Variants in KIAA0930 observed in about 807,000 individuals in gnomAD.
KIAA0930 encodes KIAA0930.
KIAA0930 carries 24 observed loss-of-function variants against 43.9 expected under a neutral mutation model. That is an observed-to-expected ratio of 0.55 (90% CI 0.40 to 0.77). The LOEUF is 0.77. Among genes scored for constraint, KIAA0930 ranks in the 30% least tolerant of loss-of-function variants. KIAA0930 has a pLI of 0.00. For synonymous variants in KIAA0930, 259 were observed against 216.4 expected (o/e 1.20, Z -1.73); for missense variants, 461 against 574.2 (o/e 0.80, Z 2.02).
At chr22:45,213,548 C>G in intron 1 of KIAA0930, 1 of 1,153,382 alleles carries the variant, frequency 8.7e-7, no homozygotes, top group Non-Finnish European at 1.1e-6. Flanking sequence ...CGCGTTTTTG[C>G]AACAGGCAAA....
At chr22:45,205,196 G>C (rs370119267) in intron 5 of KIAA0930, 21 bp downstream of exon 5, 2 of 1,582,276 alleles carry the variant, frequency 1.3e-6, no homozygotes, top group African/African-American at 1.3e-5. Context: ...GCTAAGGAGA[G>C]AGGCCCTGTG....
intron 2 of KIAA0930, chr22:45,211,500 A>G (rs898903417): frequency 1.2e-5 from 5 of 405,052 alleles, no homozygotes. Context: ...TAAGAAGAAG[A>G]GAGCTCAGCA....
At chr22:45,235,266 A>G (rs1269490836) in intron 1 of KIAA0930, 1 of 152,220 alleles carries the variant, frequency 6.6e-6, no homozygotes, top group East Asian at 1.9e-4. Context: ...AGTGGTGCCT[A>G]TGCGGCCGCT....
At chr22:45,198,909 G>A (rs1031984721) in intron 8 of KIAA0930, among the ~76,000 whole-genome samples, 7 of 152,100 alleles carry the variant, frequency 4.6e-5, no homozygotes, top group Non-Finnish European at 7.4e-5. Flanking sequence ...CCTCGGTCTC[G>A]CTAAGTGCTG....
chr22:45,226,185 G>A (rs1417037362), intron 1 of KIAA0930: 5 of 456,560 alleles, frequency 1.1e-5, no homozygotes, highest in Non-Finnish European at 2.3e-5. Context: ...TTTATTCATG[G>A]GCCTGTCTTA....
intron 1 of KIAA0930, chr22:45,213,472 C>T (rs1404452544): frequency 4.1e-6 from 5 of 1,216,414 alleles, no homozygotes; most frequent in South Asian, 1.4e-5. Context: ...CAAGACCTCC[C>T]AGGCTCACAG....
At chr22:45,234,220 G>C (rs2083872157) in intron 1 of KIAA0930, among the ~76,000 whole-genome samples, 1 of 152,204 alleles carries the variant, frequency 6.6e-6, no homozygotes, top group Admixed American at 6.5e-5. Flanking sequence ...CAGTGTGCGT[G>C]TGGGTGCCGT....
chr22:45,235,660 T>A (rs184933778), intron 1 of KIAA0930, among the ~76,000 whole-genome samples: 4 of 152,172 alleles, frequency 2.6e-5, no homozygotes, highest in African/African-American at 4.8e-5. Flanking sequence ...GTATCCTGGA[T>A]AATAACAGCA....
At chr22:45,211,393 T>G (rs531742122) in intron 2 of KIAA0930, 7 of 399,090 alleles carry the variant, frequency 1.8e-5, no homozygotes, top group Non-Finnish European at 3.1e-5. Context: ...TGAAATACGT[T>G]AGGCGAATCA....
At chr22:45,234,315 G>C (rs539502702) in intron 1 of KIAA0930, among the ~76,000 whole-genome samples, 2 of 148,814 alleles carry the variant, frequency 1.3e-5, no homozygotes, top group South Asian at 4.5e-4. Context: ...TCTGCTTCCT[G>C]CTCGGGGAAG....
intron 7 of KIAA0930, chr22:45,200,307 C>T (rs2083576425): frequency 2.5e-6 from 1 of 401,742 alleles, no homozygotes. Flanking sequence ...AGACCCCCCT[C>T]CTCTGGGCCT....
Position 45,212,106 on chromosome 22 carries a change from C to A in KIAA0930, c.66G>T (p.Gly22=), listed in dbSNP as rs148671982. 16 of 1,613,674 alleles carry A rather than the reference C, an allele frequency of 9.9e-6. No homozygotes were observed. Among genetic ancestry groups the A allele is most frequent in the Non-Finnish European group, 1.3e-5 (15 of 1,179,954 alleles). Residue 22 remains glycine (G), a splice_region_variant and synonymous_variant, in exon 2 of 10, where the codon GGG becomes GGT. Coordinates refer to ENST00000336156, the MANE Select transcript of KIAA0930 (RefSeq NM_001009880.2). ...LSLRREVCGL[G]CFKDDRIVFW... Reference sequence around the variant, plus strand: ...AGACGATGCGGTCATCCTTGAAGCACCCTGCAGAGGGAGGCCAGACAGGAG... The same window carrying A: ...AGACGATGCGGTCATCCTTGAAGCAACCTGCAGAGGGAGGCCAGACAGGAG...
intron 1 of KIAA0930, among the ~76,000 whole-genome samples, chr22:45,215,952 C>T (rs1031268310): frequency 2.6e-5 from 4 of 151,732 alleles, no homozygotes; most frequent in Admixed American, 6.6e-5. Flanking sequence ...GGCGTGAACC[C>T]GGGAGGCGGA....
chr22:45,203,042 GA>G lies in KIAA0930; in HGVS notation c.799del (p.Ser267ProfsTer19). On this transcript the variant is annotated frameshift_variant, in exon 7 of 10. Coordinates refer to ENST00000336156, the MANE Select transcript of KIAA0930 (RefSeq NM_001009880.2). LOFTEE classifies it high-confidence loss of function. ...GGAGTCCTCTTCAGTCCCACAGGGG[GA>G]TGTGTCACCTGTAGACACTCGGCTG... Reference protein sequence around the residue: ...AVSRVSTGDTSPCGTEEDSSP... With the variant: ...AVSRVSTGDTXPCGTEEDSSP... The G allele has an allele frequency of 2.5e-6, 4 of 1,613,538 alleles. No homozygotes were observed. The highest frequency in any genetic ancestry group is 3.4e-6 in the Non-Finnish European group (4 of 1,179,766).
chr22:45,221,425 C>A (rs767766430), intron 1 of KIAA0930, among the ~76,000 whole-genome samples: 23 of 152,136 alleles, frequency 1.5e-4, no homozygotes, highest in Non-Finnish European at 3.1e-4. Flanking sequence ...AGGAAACAGT[C>A]CGGATTTAGG....
In KIAA0930 at chr22:45,205,310, G is replaced by A. The variant is rs749641704; in HGVS notation, c.423C>T (p.Phe141=). ...CCATGGGGTGTTTACTGGGGGACGC[G>A]AACACTTGCTGGAAGAAAGCAGATT... The part of the protein sequence containing the change: ...HIHKKKSQQV[F]ASPSKHPMDS... Residue 141 remains phenylalanine (F), a synonymous_variant, in exon 5 of 10, where the codon TTC becomes TTT. Coordinates refer to ENST00000336156, the MANE Select transcript of KIAA0930 (RefSeq NM_001009880.2). 3.8e-5 allele frequency: 61 copies of A among 1,613,550 alleles called. No homozygotes were observed. Among genetic ancestry groups the A allele is most frequent in the Non-Finnish European group, 4.8e-5 (57 of 1,179,670 alleles).
At chr22:45,215,709 C>T (rs1033588957) in intron 1 of KIAA0930, among the ~76,000 whole-genome samples, 1 of 152,160 alleles carries the variant, frequency 6.6e-6, no homozygotes, top group Non-Finnish European at 1.5e-5. Context: ...GTTGTAGACA[C>T]AATGATGACA....
At chr22:45,211,001 G>A (rs974811448) in intron 2 of KIAA0930, among the ~76,000 whole-genome samples, 2 of 152,162 alleles carry the variant, frequency 1.3e-5, no homozygotes, top group African/African-American at 4.8e-5. Context: ...ATGGTCTCCT[G>A]CTGGTCCCTC....
intron 1 of KIAA0930, among the ~76,000 whole-genome samples, chr22:45,228,887 C>CT (rs1569083810): frequency 6.0e-5 from 1 of 16,546 alleles, no homozygotes; most frequent in Non-Finnish European, 1.0e-4. Context: ...AAAGATCCCT[C>CT]CCCATCCCCC....
Sources: gnomAD v4.1 joint callset for allele counts (sites outside exome capture counted in the v4.1 genomes callset) on GRCh38, gnomAD v4.1.1 for gene constraint, MANE v1.5 for transcripts, NCBI Gene and HGNC (gene_info 2026-07-23, HGNC 2026-07-21) for gene names.